Variants in EFHC2 observed in about 807,000 individuals in gnomAD.
The protein encoded by EFHC2 is EF-hand domain containing 2.
EFHC2 carries 18 observed loss-of-function variants against 52.7 expected under a neutral mutation model. The ratio of observed to expected loss-of-function variants is 0.34; its 90% CI spans 0.24 to 0.51. The LOEUF (loss-of-function observed/expected upper bound fraction) is 0.51, where lower values mean the gene tolerates loss of function less well. EFHC2 is among the 20% of genes least tolerant of loss of function. EFHC2 has a pLI of 0.97. For synonymous variants in EFHC2, 203 were observed against 204.1 expected (o/e 0.99, Z 0.04); for missense variants, 513 against 562.5 (o/e 0.91, Z 0.89).
intron 2 of EFHC2, among the ~76,000 whole-genome samples, chrX:44,277,245 C>T (rs1158462149): frequency 1.2e-5 from 1 of 82,368 alleles, no homozygotes; most frequent in Non-Finnish European, 2.2e-5. Flanking sequence ...GGCGACAGAG[C>T]GAGACTCCAG....
At chrX:44,282,850 G>A (rs1266412367) in intron 2 of EFHC2, among the ~76,000 whole-genome samples, 1 of 110,389 alleles carries the variant, frequency 9.1e-6, no homozygotes, top group East Asian at 2.9e-4. Context: ...TGCAGCTCGG[G>A]TAGACACGTG....
At chrX:44,177,999 T>C (rs1602136509) in intron 12 of EFHC2, among the ~76,000 whole-genome samples, 1 of 107,014 alleles carries the variant, frequency 9.3e-6, no homozygotes, top group African/African-American at 3.4e-5. Context: ...GGTGCGGTGG[T>C]GCGAGCCTGT....
chrX:44,322,234 C>T (rs2038025569), intron 1 of EFHC2, among the ~76,000 whole-genome samples: 1 of 112,206 alleles, frequency 8.9e-6, no homozygotes, highest in Non-Finnish European at 1.9e-5. Flanking sequence ...GTACAGCCAT[C>T]ACTGTACTCA....
chrX:44,309,061 A>T (rs904121831), intron 2 of EFHC2, among the ~76,000 whole-genome samples: 5 of 112,697 alleles, frequency 4.4e-5, no homozygotes, highest in African/African-American at 1.6e-4. Flanking sequence ...TAGAGGGTCA[A>T]CCCTCACTTT....
At chrX:44,320,858 A>G (rs1227112473) in intron 1 of EFHC2, among the ~76,000 whole-genome samples, 2 of 110,451 alleles carry the variant, frequency 1.8e-5, no homozygotes, top group Admixed American at 9.8e-5. Flanking sequence ...CTTACCTTGC[A>G]GGACACCACA....
intron 11 of EFHC2, among the ~76,000 whole-genome samples, chrX:44,194,608 CA>C (rs1354851414): frequency 9.0e-6 from 1 of 111,673 alleles, no homozygotes; most frequent in Non-Finnish European, 1.9e-5. Flanking sequence ...GGCTCTAAAT[CA>C]AAAAATAAAG....
At chrX:44,248,242 A>C in intron 7 of EFHC2, 30 bp downstream of exon 7, 1 of 1,080,715 alleles carries the variant, frequency 9.3e-7, no homozygotes, top group African/African-American at 1.9e-5. Context: ...AATTTTAAAA[A>C]TATTTTTAAT....
chrX:44,166,658 A>C (rs1356458924), intron 13 of EFHC2, among the ~76,000 whole-genome samples: 1 of 111,609 alleles, frequency 9.0e-6, no homozygotes, highest in East Asian at 2.8e-4. Context: ...TTTGTCAGTA[A>C]ATTCCCATTA....
chrX:44,149,925 A>G (rs2036556710), intron 14 of EFHC2, among the ~76,000 whole-genome samples: 1 of 112,376 alleles, frequency 8.9e-6, no homozygotes, highest in South Asian at 3.7e-4. Context: ...TCTTGCAGAT[A>G]AGCCACTTTA....
At chrX:44,335,979 T>C (rs1401702181) in intron 1 of EFHC2, among the ~76,000 whole-genome samples, 1 of 108,377 alleles carries the variant, frequency 9.2e-6, no homozygotes, top group Non-Finnish European at 1.9e-5. Context: ...CCCAATTAAA[T>C]ATGAGTAGAA....
chrX:44,298,062 C>T (rs1318178121), intron 2 of EFHC2, among the ~76,000 whole-genome samples: 1 of 108,388 alleles, frequency 9.2e-6, no homozygotes. Context: ...AATGGGACAA[C>T]ATTGAAAAAA....
intron 2 of EFHC2, among the ~76,000 whole-genome samples, chrX:44,279,114 G>A (rs1440979163): frequency 1.8e-5 from 2 of 112,070 alleles, no homozygotes; most frequent in African/African-American, 6.5e-5. Context: ...GGCCAAGGCG[G>A]GCAGATCACC....
At chrX:44,197,563 A>G (rs929576771) in intron 11 of EFHC2, among the ~76,000 whole-genome samples, 13 of 112,044 alleles carry the variant, frequency 1.2e-4, no homozygotes, top group African/African-American at 3.9e-4. Flanking sequence ...GCACAGAACC[A>G]GCAGTCCAAG....
intron 8 of EFHC2, among the ~76,000 whole-genome samples, chrX:44,236,032 T>A (rs926688255): frequency 4.5e-5 from 5 of 111,070 alleles, no homozygotes; most frequent in African/African-American, 1.3e-4. Context: ...TTTTTTTTTT[T>A]AAATAGTGCT....
chrX:44,298,027 A>G (rs1284848972), intron 2 of EFHC2, among the ~76,000 whole-genome samples: 1 of 109,975 alleles, frequency 9.1e-6, no homozygotes, highest in Non-Finnish European at 1.9e-5. Flanking sequence ...AAGAAGGTTG[A>G]GAGAGATGGA....
intron 11 of EFHC2, among the ~76,000 whole-genome samples, chrX:44,225,295 T>C (rs757169659): frequency 1.8e-5 from 2 of 110,472 alleles, no homozygotes; most frequent in Non-Finnish European, 3.8e-5. Flanking sequence ...TGTTTCCTGA[T>C]GGCTGCCTGT....
chrX:44,260,932 T>C (rs1234046789), intron 4 of EFHC2, 143 bp downstream of exon 4: 1 of 511,427 alleles, frequency 2.0e-6, no homozygotes, highest in Non-Finnish European at 3.2e-6. Flanking sequence ...GCCTTCCCTC[T>C]AGCCCAAAGA....
In EFHC2 at chrX:44,242,886, C is replaced by T. The variant is rs541142011; in HGVS notation, c.1112-597G>A. ...AACAGAACTTTCCTCTCACCAGCCA[C>T]GGCCCCAGGTAGCTTTTGTTAAGCC... is the stretch of plus-strand genomic sequence containing the variant. On this transcript the variant is annotated intron_variant, in intron 7 of 14. Transcript: ENST00000420999. Among the ~76,000 whole-genome samples, 21 of 111,572 alleles carry T rather than the reference C, an allele frequency of 1.9e-4. No individual in the cohort carries two copies. The South Asian group carries it at 7.2e-3, about 38-fold the overall frequency.
chrX:44,254,836 T>C, intron 4 of EFHC2, among the ~76,000 whole-genome samples: 1 of 110,758 alleles, frequency 9.0e-6, no homozygotes, highest in East Asian at 2.8e-4. Flanking sequence ...TTCACCAAGG[T>C]TGAAATGAAG....
Sources: allele counts gnomAD v4.1 joint callset (sites outside exome capture counted in the v4.1 genomes callset), GRCh38; gene constraint gnomAD v4.1.1; transcripts MANE v1.5; gene names NCBI Gene and HGNC (gene_info 2026-07-23, HGNC 2026-07-21).